YWHAZ: variants seen among roughly 807,000 people sequenced by gnomAD.
YWHAZ encodes the protein tyrosine 3-monooxygenase/tryptophan 5-monooxygenase activation protein zeta, also known as 14-3-3 protein zeta/delta.
For missense variants in YWHAZ, 79 were observed against 284.8 expected (o/e 0.28, Z 5.20); for synonymous variants, 87 against 103.6 (o/e 0.84, Z 0.97).
At chr8:100,933,764 T>C (rs1243748258) in intron 2 of YWHAZ, among the ~76,000 whole-genome samples, 1 of 152,030 alleles carries the variant, frequency 6.6e-6, no homozygotes, top group African/African-American at 2.4e-5. Flanking sequence ...CACAATCACT[T>C]TGGAAGGCTG....
In YWHAZ at chr8:100,920,720, A is replaced by G. The variant is rs1365505448; in HGVS notation, c.711T>C (p.Ala237=). 3 of 1,461,878 alleles carry G rather than the reference A, an allele frequency of 2.1e-6. No individual in the cohort carries two copies. The highest frequency in any genetic ancestry group is 2.8e-6 in the Non-Finnish European group (3 of 1,088,730). 90.6% of individuals were successfully genotyped at this position (1,461,878 alleles called of 1,614,324 possible). A position where few individuals can be genotyped will look rare whatever the true frequency, so the allele number is the denominator to read the frequency against. ...AATTTTCCCCTCCTTCTCCTGCTTC[A>G]GCTTCGTCTCCTTGGGTATCCGATG... is the stretch of plus-strand genomic sequence containing the variant. ...LWTSDTQGDE[A]EAGEGGEN Residue 237 remains alanine (A), a synonymous_variant, in exon 6 of 6, where the codon GCT becomes GCC. Coordinates refer to ENST00000395958, the MANE Select transcript of YWHAZ (RefSeq NM_145690.3).
intron 2 of YWHAZ, among the ~76,000 whole-genome samples, chr8:100,937,349 C>T (rs1586127732): frequency 1.3e-5 from 2 of 150,168 alleles, no homozygotes; most frequent in East Asian, 3.9e-4. Flanking sequence ...AGAAATGGTA[C>T]AAAAACAATG....
chr8:100,951,959 G>C lies in YWHAZ; in HGVS notation c.-42C>G. ...TCCGGAGTGGGTGGTGGCGGCGGAC[G>C]GACGGGCTCAGCAGTCTCTGGGCGG... On this transcript the variant is annotated 5_prime_UTR_variant, in exon 1 of 6. Transcript: ENST00000395958. 2.0e-6 allele frequency: 2 copies of C among 1,002,088 alleles called. No individual in the cohort carries two copies. Among genetic ancestry groups the C allele is most frequent in the Non-Finnish European group, 2.4e-6 (2 of 841,646 alleles). 62.1% of individuals were successfully genotyped at this position (1,002,088 alleles called of 1,614,324 possible). A position where few individuals can be genotyped will look rare whatever the true frequency, so the allele number is the denominator to read the frequency against.
chr8:100,947,511 G>A (rs1810388562), intron 2 of YWHAZ, among the ~76,000 whole-genome samples: 2 of 152,170 alleles, frequency 1.3e-5, no homozygotes, highest in South Asian at 4.1e-4. Context: ...AAAAGACAGT[G>A]TCAAGTAAGT....
chr8:100,933,129 G>T (rs1249698790), intron 2 of YWHAZ, among the ~76,000 whole-genome samples: 3 of 152,308 alleles, frequency 2.0e-5, no homozygotes, highest in African/African-American at 7.2e-5. Context: ...GGGAGGCCGA[G>T]GTGGGTGGAT....
chr8:100,921,996 T>C (rs1027660612), intron 5 of YWHAZ, among the ~76,000 whole-genome samples: 25 of 152,232 alleles, frequency 1.6e-4, no homozygotes, highest in South Asian at 8.3e-4. Flanking sequence ...TAAGCAAATA[T>C]ATCTCTGGCC....
intron 2 of YWHAZ, among the ~76,000 whole-genome samples, chr8:100,935,495 A>G (rs2130236554): frequency 6.6e-6 from 1 of 152,356 alleles, no homozygotes; most frequent in Non-Finnish European, 1.5e-5. Context: ...CTGCTGTAAG[A>G]GACACAACAA....
chr8:100,951,622 G>A (rs918829846), intron 1 of YWHAZ: 4 of 985,230 alleles, frequency 4.1e-6, no homozygotes, highest in Admixed American at 6.2e-5. Context: ...GCCGGCGACA[G>A]GGAGATCCCC....
rs2130094805 is a variant in YWHAZ at position 100,922,033 on chromosome 8, T to C, written c.679-1281A>G. On this transcript the variant is annotated intron_variant, in intron 5 of 5. Transcript: ENST00000395958. The surrounding 1 kb of genome is among the most constrained non-coding windows in gnomAD (Gnocchi z 4.1). Reference sequence around the variant, plus strand: ...GGAAAGGAGACTACTTCCAAGGTCATACAGATAGCCAAATGACCTCTTGGA... The same window carrying C: ...GGAAAGGAGACTACTTCCAAGGTCACACAGATAGCCAAATGACCTCTTGGA... 6.6e-6 allele frequency among the ~76,000 whole-genome samples: 1 copy of C among 152,352 alleles called. No homozygotes were observed. The highest frequency in any genetic ancestry group is 1.9e-4 in the East Asian group (1 of 5,184).
intron 2 of YWHAZ, among the ~76,000 whole-genome samples, chr8:100,944,147 G>A (rs140027466): frequency 3.9e-5 from 6 of 152,104 alleles, no homozygotes; most frequent in African/African-American, 9.7e-5. Flanking sequence ...AGTAACAATA[G>A]ATATAACCCT....
chr8:100,953,046 A>C (rs552479493), upstream of YWHAZ: 2 of 999,314 alleles, frequency 2.0e-6, no homozygotes, highest in African/African-American at 1.7e-5. Context: ...CGGAGCCGGC[A>C]GGAGGTGAGG....
At chr8:100,950,308 C>T (rs765521171) in intron 1 of YWHAZ, 39 of 902,708 alleles carry the variant, frequency 4.3e-5, no homozygotes, top group Non-Finnish European at 5.2e-5. Context: ...CACTTCGGTA[C>T]AAGAGGAAGT....
In YWHAZ at chr8:100,941,233, G is replaced by C. The variant is rs141471434; in HGVS notation, c.294+7363C>G. ...GTATTTTGCATAATATTTTCATCAA[G>C]TGTCTCTTGGTTGAATGTGGTCCAA... On this transcript the variant is annotated intron_variant, in intron 2 of 5. Transcript: ENST00000395958. Among the ~76,000 whole-genome samples the C allele has an allele frequency of 4.8e-3, 728 of 152,286 alleles. 2 individuals are homozygous for C. Among genetic ancestry groups the C allele is most frequent in the Non-Finnish European group, 8.0e-3 (541 of 68,036 alleles).
chr8:100,938,667 G>A (rs1387706921), intron 2 of YWHAZ, among the ~76,000 whole-genome samples: 2 of 152,004 alleles, frequency 1.3e-5, no homozygotes, highest in Admixed American at 1.3e-4. Context: ...ATAAATCCTA[G>A]ATCTCTTAAA....
chr8:100,949,359 T>A (rs903578868), intron 1 of YWHAZ, among the ~76,000 whole-genome samples: 2 of 152,214 alleles, frequency 1.3e-5, no homozygotes, highest in Non-Finnish European at 1.5e-5. Flanking sequence ...ATCAGTTTAA[T>A]GTAACTCACG....
rs1258691964 is a variant in YWHAZ, at chr8:100,918,978, A to C, written c.*1715T>G. ...GAAAGAGGAAGGATTTTAAAGGCAGACAATGACAGACCATTCAGGATAGGT... is the reference window on the plus strand; with the variant it reads ...GAAAGAGGAAGGATTTTAAAGGCAGCCAATGACAGACCATTCAGGATAGGT... On this transcript the variant is annotated 3_prime_UTR_variant, in exon 6 of 6. Transcript: ENST00000395958. The C allele has an allele frequency of 1.3e-5, 2 of 152,544 alleles. No individual in the cohort carries two copies. Among genetic ancestry groups the C allele is most frequent in the Non-Finnish European group, 2.9e-5 (2 of 68,070 alleles). 9.4% of individuals were successfully genotyped at this position (152,544 alleles called of 1,614,324 possible).
Position 100,918,444 on chromosome 8 carries a change from A to ATATATATATATATATAT in YWHAZ, c.*2248_*2249insATATATATATATATATA, listed in dbSNP as rs57486163. ...TATATATATATATATATATATATAT[A>ATATATATATATATATAT]ATTATTTTACCTCCTTGGCTTGGGG... On this transcript the variant is annotated 3_prime_UTR_variant, in exon 6 of 6. Coordinates refer to ENST00000395958, the MANE Select transcript of YWHAZ (RefSeq NM_145690.3). 1.9e-3 allele frequency: 206 copies of ATATATATATATATATAT among 108,742 alleles called. No individual in the cohort carries two copies. The highest frequency in any genetic ancestry group is 4.5e-3 in the South Asian group (14 of 3,094). The allele number at this position is 108,742 out of a possible 1,614,324, so 6.7% of individuals were successfully genotyped here. A position where few individuals can be genotyped will look rare whatever the true frequency, so the allele number is the denominator to read the frequency against.
intron 2 of YWHAZ, among the ~76,000 whole-genome samples, chr8:100,933,499 T>TA (rs1491379646): frequency 2.0e-5 from 3 of 151,880 alleles, no homozygotes; most frequent in South Asian, 2.1e-4. Flanking sequence ...TAAATATATA[T>TA]TTTTTTTGCC....
At chr8:100,951,230 T>G (rs1426439040) in intron 1 of YWHAZ, 1 of 984,106 alleles carries the variant, frequency 1.0e-6, no homozygotes, top group East Asian at 1.2e-4. Context: ...CTCGCCCCGG[T>G]CTACCTGGCG....
Sources: allele counts gnomAD v4.1 joint callset (sites outside exome capture counted in the v4.1 genomes callset), GRCh38; gene constraint gnomAD v4.1.1; non-coding constraint Gnocchi (gnomAD v3.1); transcripts MANE v1.5; gene names NCBI Gene and HGNC (gene_info 2026-07-23, HGNC 2026-07-21).